The following KCNIP4 variants were observed in gnomAD, a reference collection of about 807,000 sequenced individuals.
The protein encoded by KCNIP4 is potassium voltage-gated channel interacting protein 4, also known as Kv channel-interacting protein 4.
In KCNIP4, 12 loss-of-function variants were observed where a neutral mutation model predicts 34.0. The ratio of observed to expected loss-of-function variants is 0.35; its 90% CI spans 0.23 to 0.57. KCNIP4 has a LOEUF of 0.57. Ranked by LOEUF, KCNIP4 falls within the 20% of genes least tolerant of loss-of-function variation. The pLI, the probability that KCNIP4 is intolerant of heterozygous loss-of-function variation, is 0.83. For synonymous variants in KCNIP4, 124 were observed against 102.2 expected (o/e 1.21, Z -1.29); for missense variants, 238 against 311.7 (o/e 0.76, Z 1.78).
chr4:21,383,479 C>G (rs1417919442), intron 1 of KCNIP4, among the ~76,000 whole-genome samples: 1 of 113,450 alleles, frequency 8.8e-6, no homozygotes, highest in African/African-American at 3.5e-5. Flanking sequence ...ATGTTGAAGT[C>G]TATGTAGGAG....
At chr4:21,497,793 CTT>C (rs991784877) in intron 1 of KCNIP4, among the ~76,000 whole-genome samples, 2 of 152,038 alleles carry the variant, frequency 1.3e-5, no homozygotes, top group Non-Finnish European at 2.9e-5. Context: ...TTAAATGAAA[CTT>C]TATATAATTC....
intron 1 of KCNIP4, among the ~76,000 whole-genome samples, chr4:20,950,370 T>C (rs1577419693): frequency 6.6e-6 from 1 of 152,126 alleles, no homozygotes; most frequent in East Asian, 1.9e-4. Context: ...AGTGAAAAAC[T>C]TGCCGAGGGG....
intron 1 of KCNIP4, among the ~76,000 whole-genome samples, chr4:21,378,881 A>C (rs1721215261): frequency 6.6e-6 from 1 of 152,144 alleles, no homozygotes; most frequent in Non-Finnish European, 1.5e-5. Flanking sequence ...ATTTATTAAC[A>C]ATCTTTCAAA....
chr4:20,870,471 C>T (rs1239937516), intron 2 of KCNIP4, among the ~76,000 whole-genome samples: 1 of 152,098 alleles, frequency 6.6e-6, no homozygotes, highest in African/African-American at 2.4e-5. Context: ...TCATAAATCA[C>T]CCAGTCTTAG....
At chr4:21,706,108 T>C (rs1713246145) in intron 1 of KCNIP4, among the ~76,000 whole-genome samples, 1 of 152,186 alleles carries the variant, frequency 6.6e-6, no homozygotes, top group Non-Finnish European at 1.5e-5. Flanking sequence ...AAATGTTCTT[T>C]TAATGATCAG....
chr4:21,128,026 CTA>C (rs1750759964), intron 1 of KCNIP4, among the ~76,000 whole-genome samples: 2 of 152,216 alleles, frequency 1.3e-5, no homozygotes, highest in African/African-American at 4.8e-5. Context: ...GCATAATCAT[CTA>C]TGTTTATTAA....
chr4:21,242,005 T>C (rs899540213), intron 1 of KCNIP4, among the ~76,000 whole-genome samples: 8 of 151,306 alleles, frequency 5.3e-5, no homozygotes, highest in South Asian at 2.1e-4. Flanking sequence ...CTACTAAAAA[T>C]ACAAAAAAAT....
At chr4:21,279,600 A>G (rs1244738728) in intron 1 of KCNIP4, among the ~76,000 whole-genome samples, 3 of 151,150 alleles carry the variant, frequency 2.0e-5, no homozygotes, top group Non-Finnish European at 4.4e-5. Context: ...TATTAATATT[A>G]ATAATTTAAT....
chr4:21,834,198 A>G (rs879813659), intron 1 of KCNIP4, among the ~76,000 whole-genome samples: 6 of 152,160 alleles, frequency 3.9e-5, no homozygotes, highest in African/African-American at 4.8e-5. Flanking sequence ...GGCCATTTTC[A>G]CGATATTGAT....
chr4:20,756,017 A>G (rs1000834092), intron 4 of KCNIP4, among the ~76,000 whole-genome samples: 13 of 152,140 alleles, frequency 8.5e-5, no homozygotes, highest in Non-Finnish European at 1.9e-4. Flanking sequence ...ACAGGCAGTA[A>G]CATGATTTGC....
intron 1 of KCNIP4, among the ~76,000 whole-genome samples, chr4:21,629,228 A>G (rs1035700320): frequency 2.6e-5 from 4 of 152,194 alleles, no homozygotes; most frequent in African/African-American, 2.4e-5. Context: ...AAGAAGACAT[A>G]TTGTGTCAAT....
intron 6 of KCNIP4, 130 bp from the exon 7 acceptor site, chr4:20,732,915 G>A (rs887351604): frequency 1.7e-5 from 10 of 597,196 alleles, no homozygotes; most frequent in East Asian, 5.7e-5. Flanking sequence ...TTTGTTAGAC[G>A]ACTGTTGGTT....
intron 1 of KCNIP4, among the ~76,000 whole-genome samples, chr4:21,682,066 AATTT>A (rs1750405789): frequency 1.3e-5 from 2 of 151,508 alleles, no homozygotes; most frequent in African/African-American, 4.9e-5. Flanking sequence ...TTTTTTTTGT[AATTT>A]TAGTAGAGAC....
chr4:20,964,569 T>C (rs75516626), intron 1 of KCNIP4, among the ~76,000 whole-genome samples: 3,854 of 152,266 alleles, frequency 0.025, 154 homozygotes, highest in African/African-American at 0.087. Context: ...TCCACTTTTC[T>C]GATGATTTCC....
intron 2 of KCNIP4, among the ~76,000 whole-genome samples, chr4:20,855,845 A>G (rs1414929426): frequency 6.6e-6 from 1 of 152,214 alleles, no homozygotes; most frequent in Non-Finnish European, 1.5e-5. Flanking sequence ...AGAAAAGGAC[A>G]TGGAAAGATG....
intron 1 of KCNIP4, among the ~76,000 whole-genome samples, chr4:21,438,779 A>AACTT (rs1233951241): frequency 6.6e-6 from 1 of 152,228 alleles, no homozygotes; most frequent in Admixed American, 6.5e-5. Context: ...TTGAGGTTAT[A>AACTT]ACTTAGGCAA....
intron 4 of KCNIP4, among the ~76,000 whole-genome samples, 168 bp from the exon 5 acceptor site, chr4:20,749,900 G>A (rs1753278248): frequency 6.6e-6 from 1 of 152,206 alleles, no homozygotes; most frequent in South Asian, 2.1e-4. Flanking sequence ...TAGAGTTTGA[G>A]ATTCACAGGA....
intron 1 of KCNIP4, among the ~76,000 whole-genome samples, chr4:21,619,923 G>T (rs993829049): frequency 6.6e-6 from 1 of 152,182 alleles, no homozygotes; most frequent in African/African-American, 2.4e-5. Flanking sequence ...TTGGGATTAT[G>T]ATTTCACTTC....
rs963785926 is a variant in KCNIP4 at position 21,323,815 on chromosome 4, A to G, written c.62-441106T>C. ...CAAATGAGTTTTAGTTTTTTTGAGG[A>G]ATCATCAAACTGTTCTCCATAGGGG... On this transcript the variant is annotated intron_variant, in intron 1 of 8. Coordinates refer to ENST00000382152, the MANE Select transcript of KCNIP4 (RefSeq NM_025221.6). 4.6e-5 allele frequency among the ~76,000 whole-genome samples: 7 copies of G among 152,038 alleles called. No individual in the cohort carries two copies. In the East Asian group the frequency reaches 1.2e-3, roughly 25 times the overall value.
Sources: allele counts gnomAD v4.1 joint callset (sites outside exome capture counted in the v4.1 genomes callset), GRCh38; gene constraint gnomAD v4.1.1; transcripts MANE v1.5; gene names NCBI Gene and HGNC (gene_info 2026-07-23, HGNC 2026-07-21).